Variants in TGM6 observed in about 807,000 individuals in gnomAD.
TGM6 encodes the protein transglutaminase 6.
In TGM6, 74 loss-of-function variants were observed where a neutral mutation model predicts 77.5. The ratio of observed to expected loss-of-function variants is 0.96; its 90% CI spans 0.79 to 1.16. TGM6 has a LOEUF of 1.16. Among genes scored for constraint, TGM6 ranks in the 50% most tolerant of loss-of-function variants. The pLI, the probability that TGM6 is intolerant of heterozygous loss-of-function variation, is 0.00. For missense variants in TGM6, 968 were observed against 940.2 expected, an observed-to-expected ratio of 1.03 and a Z score of -0.39; for synonymous variants, 383 against 378.9, an observed-to-expected ratio of 1.01 and a Z score of -0.12.
chr20:2,383,994 C>G (rs1041282126), intron 1 of TGM6, among the ~76,000 whole-genome samples: 5 of 151,364 alleles, frequency 3.3e-5, no homozygotes, highest in Admixed American at 2.0e-4. Flanking sequence ...GTAGTCCCAG[C>G]TTCTCGGGAG....
intron 9 of TGM6, among the ~76,000 whole-genome samples, chr20:2,411,411 T>C (rs1160776544): frequency 6.6e-6 from 1 of 151,868 alleles, no homozygotes; most frequent in African/African-American, 2.4e-5. Context: ...ATCATCTCAA[T>C]AGATGCAGAA....
chr20:2,391,090 CA>C (rs2084626613), intron 1 of TGM6, among the ~76,000 whole-genome samples: 1 of 127,910 alleles, frequency 7.8e-6, no homozygotes, highest in Non-Finnish European at 1.7e-5. Flanking sequence ...TAGATTTTAA[CA>C]GGATCCTTCT....
chr20:2,431,568 G>A (rs982106601), intron 12 of TGM6, among the ~76,000 whole-genome samples: 2 of 152,138 alleles, frequency 1.3e-5, no homozygotes, highest in Non-Finnish European at 2.9e-5. Context: ...TAATTGTTAG[G>A]AACACTAAGA....
chr20:2,386,976 A>C (rs2084600711), intron 1 of TGM6, among the ~76,000 whole-genome samples: 2 of 152,310 alleles, frequency 1.3e-5, no homozygotes, highest in African/African-American at 4.8e-5. Context: ...CCACTGAAAA[A>C]ATAGCATCCT....
intron 12 of TGM6, 88 bp from the exon 13 acceptor site, chr20:2,432,402 A>C: frequency 6.5e-7 from 1 of 1,537,976 alleles, no homozygotes; most frequent in Non-Finnish European, 9.0e-7. Context: ...CTTGATCCTG[A>C]GGAGCCTGGG....
At chr20:2,414,816 A>T (rs1181251108) in intron 9 of TGM6, among the ~76,000 whole-genome samples, 1 of 150,284 alleles carries the variant, frequency 6.7e-6, no homozygotes, top group Non-Finnish European at 1.5e-5. Context: ...CACGTGTTGT[A>T]TGATTCCCTT....
At chr20:2,389,069 T>C (rs1184515404) in intron 1 of TGM6, among the ~76,000 whole-genome samples, 1 of 152,250 alleles carries the variant, frequency 6.6e-6, no homozygotes, top group Non-Finnish European at 1.5e-5. Flanking sequence ...CCTTTGTAAC[T>C]GCCTTGACCC....
intron 1 of TGM6, among the ~76,000 whole-genome samples, chr20:2,393,223 A>G (rs930013217): frequency 1.3e-5 from 2 of 152,254 alleles, no homozygotes; most frequent in African/African-American, 4.8e-5. Flanking sequence ...CCTGACATGC[A>G]TATTCCCAGC....
intron 10 of TGM6, among the ~76,000 whole-genome samples, chr20:2,419,860 A>G (rs2084844095): frequency 6.6e-6 from 1 of 152,198 alleles, no homozygotes; most frequent in South Asian, 2.1e-4. Flanking sequence ...TTATCTACAG[A>G]GTGTCAGGTA....
chr20:2,423,709 G>T (rs2084870883), intron 10 of TGM6, among the ~76,000 whole-genome samples: 1 of 152,126 alleles, frequency 6.6e-6, no homozygotes, highest in African/African-American at 2.4e-5. Flanking sequence ...GTCTAGAATG[G>T]TGAATCTTTT....
intron 5 of TGM6, 68 bp downstream of exon 5, chr20:2,398,114 A>C: frequency 6.2e-7 from 1 of 1,612,138 alleles, no homozygotes; most frequent in Non-Finnish European, 8.5e-7. Context: ...CGGGGCCACA[A>C]CCTGTGATTC....
intron 4 of TGM6, among the ~76,000 whole-genome samples, chr20:2,397,241 A>G (rs2084675422): frequency 6.6e-6 from 1 of 152,226 alleles, no homozygotes; most frequent in South Asian, 2.1e-4. Flanking sequence ...GGCAGAGGGA[A>G]GAGCAGGCAG....
chr20:2,398,194 A>G, intron 5 of TGM6, 148 bp downstream of exon 5: 1 of 1,342,058 alleles, frequency 7.5e-7, no homozygotes, highest in South Asian at 1.3e-5. Context: ...GTGGTGTAAA[A>G]CAACCCTTTA....
chr20:2,409,468 T>C (rs749632367), intron 9 of TGM6, among the ~76,000 whole-genome samples: 13 of 152,238 alleles, frequency 8.5e-5, no homozygotes, highest in South Asian at 6.2e-4. Flanking sequence ...TCTCAGCATT[T>C]TGGGAGGCCG....
chr20:2,400,538 G>A (rs2084700844), intron 7 of TGM6, 94 bp downstream of exon 7: 1 of 1,562,664 alleles, frequency 6.4e-7, no homozygotes, highest in South Asian at 1.1e-5. Context: ...GGAGCGGCAG[G>A]CCCAGAGCCC....
At chr20:2,415,942 C>T (rs935972506) in intron 9 of TGM6, among the ~76,000 whole-genome samples, 1 of 152,108 alleles carries the variant, frequency 6.6e-6, no homozygotes, top group African/African-American at 2.4e-5. Flanking sequence ...CGATAGAACC[C>T]CATGAGTGAG....
chr20:2,418,524 C>A (rs2084833652), intron 10 of TGM6, among the ~76,000 whole-genome samples: 1 of 152,130 alleles, frequency 6.6e-6, no homozygotes, highest in South Asian at 2.1e-4. Flanking sequence ...AGACACACTC[C>A]TGACCAAGAC....
rs1166134712 is a variant in TGM6 at position 2,430,935 on chromosome 20, A to G, written c.1875A>G (p.Glu625=). 4 of 1,614,018 alleles carry G rather than the reference A, an allele frequency of 2.5e-6. No homozygotes were observed. The highest frequency in any genetic ancestry group is 3.4e-6 in the Non-Finnish European group (4 of 1,180,018). ...TGGTGGGAGTGGCAGTTACAGTGGA[A>G]GTGACAGTAGTCAACCCCCTCATAG... is the stretch of plus-strand genomic sequence containing the variant. ...PAMVGVAVTV[E]VTVVNPLIER... Residue 625 remains glutamate, a synonymous_variant, in exon 12 of 13, where the codon GAA becomes GAG. Coordinates refer to ENST00000202625, the MANE Select transcript of TGM6 (RefSeq NM_198994.3).
At chr20:2,385,647 A>C (rs978523062) in intron 1 of TGM6, among the ~76,000 whole-genome samples, 2 of 151,592 alleles carry the variant, frequency 1.3e-5, no homozygotes, top group Admixed American at 6.6e-5. Context: ...GGAATGTGAC[A>C]GCTTGAGAGA....
Sources: gnomAD v4.1 joint callset for allele counts (sites outside exome capture counted in the v4.1 genomes callset) on GRCh38, gnomAD v4.1.1 for gene constraint, MANE v1.5 for transcripts, NCBI Gene and HGNC (gene_info 2026-07-23, HGNC 2026-07-21) for gene names.